EFCAB6: variants seen among roughly 807,000 people sequenced by gnomAD.
EFCAB6 encodes the protein EF-hand calcium-binding domain-containing protein 6.
EFCAB6 carries 156 observed loss-of-function variants against 169.8 expected under a neutral mutation model. That is an observed-to-expected ratio of 0.92 (90% CI 0.81 to 1.05). The LOEUF is 1.05. Ranked by LOEUF, EFCAB6 falls within the 50% of genes least tolerant of loss-of-function variation. The pLI, the probability that EFCAB6 is intolerant of heterozygous loss-of-function variation, is 0.00. For missense variants in EFCAB6, 1,800 were observed against 1,829.1 expected (o/e 0.98, Z 0.29); for synonymous variants, 698 against 676.4 (o/e 1.03, Z -0.50).
chr22:43,806,349 A>G (rs904209523), intron 2 of EFCAB6, among the ~76,000 whole-genome samples: 7 of 151,958 alleles, frequency 4.6e-5, no homozygotes, highest in Non-Finnish European at 1.0e-4. Flanking sequence ...TCAGGGCTCA[A>G]GTGATCCTTG....
At chr22:43,583,083 ACT>A (rs74933946) in intron 24 of EFCAB6, among the ~76,000 whole-genome samples, 9,559 of 151,818 alleles carry the variant, frequency 0.063, 364 homozygotes, top group Admixed American at 0.097. Context: ...TAGTTAAGCT[ACT>A]CTCTTTTCTC....
chr22:43,589,689 G>A (rs2051339485), intron 24 of EFCAB6, among the ~76,000 whole-genome samples: 1 of 152,148 alleles, frequency 6.6e-6, no homozygotes, highest in Non-Finnish European at 1.5e-5. Context: ...TTGGGAGCCT[G>A]AGGCACGAGA....
rs981273171 is a variant in EFCAB6, at chr22:43,646,148, C to T, written c.1984-10932G>A. Among the ~76,000 whole-genome samples, 17 of 152,142 alleles carry T rather than the reference C, an allele frequency of 1.1e-4. 1 individual carries two copies. The highest frequency in any genetic ancestry group is 2.1e-4 in the Non-Finnish European group (14 of 68,030). On this transcript the variant is annotated intron_variant, in intron 17 of 31. Transcript: ENST00000262726. ...CTCAAGTCCTGGAGATCAAATCTGTCGTTCAAAGGGTAAGTGGGAAGAAAC... is the reference window on the plus strand; with the variant it reads ...CTCAAGTCCTGGAGATCAAATCTGTTGTTCAAAGGGTAAGTGGGAAGAAAC...
At chr22:43,612,438 A>G (rs1602603104) in intron 21 of EFCAB6, among the ~76,000 whole-genome samples, 1 of 152,202 alleles carries the variant, frequency 6.6e-6, no homozygotes, top group African/African-American at 2.4e-5. Flanking sequence ...AACTTAAACA[A>G]CCCCATTGAA....
chr22:43,569,085 C>A (rs2049654615), intron 26 of EFCAB6, among the ~76,000 whole-genome samples: 2 of 152,184 alleles, frequency 1.3e-5, no homozygotes, highest in Non-Finnish European at 1.5e-5. Flanking sequence ...CTGGCACATG[C>A]CGAGTGCCTA....
At chr22:43,702,560 G>A (rs1355950159) in intron 10 of EFCAB6, among the ~76,000 whole-genome samples, 1 of 152,220 alleles carries the variant, frequency 6.6e-6, no homozygotes. Flanking sequence ...GAGAGCTGGA[G>A]GTGGACGCCC....
chr22:43,619,546 A>T (rs76768370), intron 20 of EFCAB6, among the ~76,000 whole-genome samples: 11 of 152,300 alleles, frequency 7.2e-5, no homozygotes, highest in African/African-American at 2.4e-4. Context: ...ATTCATGAAG[A>T]GCAAACATAC....
intron 17 of EFCAB6, among the ~76,000 whole-genome samples, chr22:43,643,826 T>C (rs1171019431): frequency 6.6e-6 from 1 of 151,950 alleles, no homozygotes; most frequent in East Asian, 1.9e-4. Context: ...TAAGCATTTG[T>C]TCTTTTTTTT....
chr22:43,609,920 G>A (rs557409542), intron 21 of EFCAB6, among the ~76,000 whole-genome samples: 4 of 152,204 alleles, frequency 2.6e-5, no homozygotes, highest in Non-Finnish European at 5.9e-5. Flanking sequence ...AGGCAGTGGT[G>A]ATGCTCAGAT....
At chr22:43,786,442 C>A (rs117039789) in intron 2 of EFCAB6, among the ~76,000 whole-genome samples, 1 of 152,122 alleles carries the variant, frequency 6.6e-6, no homozygotes, top group Non-Finnish European at 1.5e-5. Context: ...AAGAAAGTGG[C>A]CGGGCACAGT....
intron 9 of EFCAB6, among the ~76,000 whole-genome samples, 191 bp from the exon 10 acceptor site, chr22:43,711,814 C>A (rs897720842): frequency 6.6e-6 from 1 of 152,214 alleles, no homozygotes; most frequent in Admixed American, 6.5e-5. Flanking sequence ...TTCCCAGTCA[C>A]AGCTACTCAA....
At chr22:43,544,201 T>G (rs1407443486) in intron 27 of EFCAB6, among the ~76,000 whole-genome samples, 1 of 152,060 alleles carries the variant, frequency 6.6e-6, no homozygotes, top group Non-Finnish European at 1.5e-5. Flanking sequence ...CTGCACCATT[T>G]CCTCTTCTTA....
At chr22:43,637,973 C>T (rs1030846688) in intron 17 of EFCAB6, among the ~76,000 whole-genome samples, 5 of 152,202 alleles carry the variant, frequency 3.3e-5, no homozygotes, top group Non-Finnish European at 7.3e-5. Context: ...CAAATGTTCC[C>T]CAGCCTAGAG....
rs1238617134 is a variant in EFCAB6, at chr22:43,595,379, T to C, written c.2876+4690A>G. ...AAAATTGACAAACTTTTAGCTAGAC[T>C]ATGAAAAAAAGAAAGTCCAAATGAA... On this transcript the variant is annotated intron_variant, in intron 23 of 31. Transcript: ENST00000262726. Among the ~76,000 whole-genome samples the C allele has an allele frequency of 2.6e-5, 4 of 151,898 alleles. No individual in the cohort carries two copies. In the East Asian group the frequency reaches 7.7e-4, roughly 29 times the overall value.
chr22:43,640,240 GTA>G (rs2055706453), intron 17 of EFCAB6, among the ~76,000 whole-genome samples: 1 of 152,142 alleles, frequency 6.6e-6, no homozygotes, highest in Non-Finnish European at 1.5e-5. Context: ...GGATTCTGTT[GTA>G]GTTCTCCAAA....
chr22:43,731,894 G>C (rs1160154469), intron 7 of EFCAB6, 83 bp from the exon 8 acceptor site: 3 of 686,982 alleles, frequency 4.4e-6, no homozygotes, highest in East Asian at 6.5e-5. Context: ...CTTTACACTC[G>C]GGCTGGCATT....
At chr22:43,756,025 C>T (rs2060945241) in intron 5 of EFCAB6, among the ~76,000 whole-genome samples, 193 bp from the exon 6 acceptor site, 1 of 152,126 alleles carries the variant, frequency 6.6e-6, no homozygotes. Context: ...GTTTTCTCAT[C>T]CATAAAATGA....
rs1021354197 is a variant in EFCAB6 at position 43,659,517 on chromosome 22, G to A, written c.1983+7587C>T. Among the ~76,000 whole-genome samples the A allele has an allele frequency of 5.9e-5, 9 of 152,064 alleles. No homozygotes were observed. In the South Asian group the frequency reaches 1.0e-3, roughly 18 times the overall value. ...CTACAAAATAATGTAAAAATTATCC[G>A]GGTGTGGTGGTGCATGCCCGTGGTC... is the stretch of plus-strand genomic sequence containing the variant. On this transcript the variant is annotated intron_variant, in intron 17 of 31. Transcript: ENST00000262726.
chr22:43,806,172 A>G (rs1459131044), intron 2 of EFCAB6, among the ~76,000 whole-genome samples: 4 of 78,756 alleles, frequency 5.1e-5, no homozygotes, highest in Non-Finnish European at 1.0e-4. Flanking sequence ...TCAAAAGAAA[A>G]GAGAGGAGAG....
Sources: gnomAD v4.1 joint callset for allele counts (sites outside exome capture counted in the v4.1 genomes callset) on GRCh38, gnomAD v4.1.1 for gene constraint, MANE v1.5 for transcripts, NCBI Gene and HGNC (gene_info 2026-07-23, HGNC 2026-07-21) for gene names.